The following FREM2 variants were observed in gnomAD, a reference collection of about 807,000 sequenced individuals.
FREM2 encodes the protein FRAS1-related extracellular matrix protein 2.
FREM2 carries 119 observed loss-of-function variants against 219.9 expected under a neutral mutation model. That is an observed-to-expected ratio of 0.54 (90% CI 0.47 to 0.63). The LOEUF (loss-of-function observed/expected upper bound fraction) is 0.63, where lower values mean the gene tolerates loss of function less well. FREM2 is among the 30% of genes least tolerant of loss of function. The pLI is 0.00. For missense variants in FREM2, 4,030 were observed against 3,993.6 expected, an observed-to-expected ratio of 1.01 and a Z score of -0.25; for synonymous variants, 1,562 against 1,522.8, an observed-to-expected ratio of 1.03 and a Z score of -0.60.
At chr13:38,858,167 G>T in intron 13 of FREM2, 134 bp downstream of exon 13, 1 of 797,060 alleles carries the variant, frequency 1.3e-6, no homozygotes, top group Non-Finnish European at 2.1e-6. Context: ...CTTGAGCTTT[G>T]CATATATAAC....
In FREM2 at chr13:38,880,315, C is replaced by T. The variant is rs114400765; in HGVS notation, c.9038C>T (p.Thr3013Met). 2.3e-3 allele frequency: 3,639 copies of T among 1,613,810 alleles called. 11 individuals are homozygous for T. The highest frequency in any genetic ancestry group is 5.1e-3 in the South Asian group (463 of 91,066). ...CTAGGCCGAGAATGGTATATACATA[C>T]GATCTATACAGTGAGATCGAAAGAC... The part of the protein sequence containing the change: ...VALGREWYIH[T>M]IYTVRSKDNA... Residue 3013 changes from threonine (T) to methionine (M), a missense_variant, in exon 24 of 24, where the codon ACG becomes ATG. Coordinates refer to ENST00000280481, the MANE Select transcript of FREM2 (RefSeq NM_207361.6).
intron 4 of FREM2, among the ~76,000 whole-genome samples, chr13:38,771,291 C>T (rs921055715): frequency 3.3e-5 from 5 of 152,148 alleles, no homozygotes; most frequent in African/African-American, 1.2e-4. Context: ...TGGTCCTGAA[C>T]TTTGCACATA....
chr13:38,773,069 A>G (rs1330570788), intron 4 of FREM2, among the ~76,000 whole-genome samples: 1 of 152,192 alleles, frequency 6.6e-6, no homozygotes, highest in African/African-American at 2.4e-5. Context: ...ATGGTCTTAC[A>G]ATGCCATGTA....
intron 2 of FREM2, among the ~76,000 whole-genome samples, chr13:38,738,051 G>A (rs1872070200): frequency 6.6e-6 from 1 of 152,112 alleles, no homozygotes; most frequent in Admixed American, 6.5e-5. Context: ...AGATGCTGAG[G>A]ACTTTGTTGC....
intron 6 of FREM2, among the ~76,000 whole-genome samples, chr13:38,798,605 C>G (rs1167863506): frequency 3.3e-5 from 5 of 152,002 alleles, no homozygotes; most frequent in African/African-American, 1.2e-4. Context: ...CTGAGCTTTT[C>G]TTTGTTGGGA....
intron 2 of FREM2, among the ~76,000 whole-genome samples, chr13:38,757,304 T>C (rs562795158): frequency 6.6e-6 from 1 of 152,302 alleles, no homozygotes; most frequent in East Asian, 1.9e-4. Context: ...AAGGTGAACA[T>C]TGATATATTT....
chr13:38,781,993 A>C (rs1593404346), intron 4 of FREM2, among the ~76,000 whole-genome samples: 1 of 152,176 alleles, frequency 6.6e-6, no homozygotes, highest in Admixed American at 6.5e-5. Flanking sequence ...TTGCCCTCCA[A>C]GTTCCTTCCT....
chr13:38,859,218 A>G (rs1877665797), intron 13 of FREM2, 69 bp from the exon 14 acceptor site: 4 of 1,494,832 alleles, frequency 2.7e-6, no homozygotes, highest in Non-Finnish European at 2.8e-6. Flanking sequence ...TCGATGGCAG[A>G]GAACGGGAGA....
intron 6 of FREM2, among the ~76,000 whole-genome samples, chr13:38,786,349 TC>T (rs1340409160): frequency 2.0e-5 from 3 of 152,224 alleles, no homozygotes; most frequent in Non-Finnish European, 4.4e-5. Flanking sequence ...AATTATTTTA[TC>T]AAGAGGTATT....
chr13:38,723,135 T>C (rs1015246971), intron 2 of FREM2, among the ~76,000 whole-genome samples: 13 of 152,016 alleles, frequency 8.6e-5, no homozygotes, highest in Non-Finnish European at 1.9e-4. Context: ...CTTGGGAGGC[T>C]GAGGCTGGAG....
intron 6 of FREM2, among the ~76,000 whole-genome samples, chr13:38,807,209 ATATATATATATATATATATG>A (rs1339380936): frequency 9.0e-5 from 10 of 111,710 alleles, no homozygotes; most frequent in East Asian, 3.7e-4. Flanking sequence ...ATATATATAT[ATATATATATATATATATATG>A]TATGGTTTTG....
At chr13:38,741,245 G>T (rs909403385) in intron 2 of FREM2, among the ~76,000 whole-genome samples, 1 of 152,154 alleles carries the variant, frequency 6.6e-6, no homozygotes. Context: ...GTTCATGCAT[G>T]CCTGGTTCAG....
chr13:38,702,833 G>A (rs9566360), intron 2 of FREM2, among the ~76,000 whole-genome samples: 3,079 of 152,138 alleles, frequency 0.02, 105 homozygotes, highest in East Asian at 0.16. Flanking sequence ...AAACTGGGGC[G>A]GCAGACATAA....
At chr13:38,837,953 A>G (rs1228831101) in intron 6 of FREM2, among the ~76,000 whole-genome samples, 2 of 152,068 alleles carry the variant, frequency 1.3e-5, no homozygotes, top group Non-Finnish European at 2.9e-5. Flanking sequence ...AATTTAGCCC[A>G]TTTACATTTA....
At chr13:38,844,024 A>G (rs1306766715) in intron 6 of FREM2, among the ~76,000 whole-genome samples, 1 of 152,120 alleles carries the variant, frequency 6.6e-6, no homozygotes, top group Non-Finnish European at 1.5e-5. Context: ...AAAGAGGGAG[A>G]AAAATCATAT....
chr13:38,825,907 A>G (rs1476002437), intron 6 of FREM2, among the ~76,000 whole-genome samples: 1 of 152,138 alleles, frequency 6.6e-6, no homozygotes, highest in Non-Finnish European at 1.5e-5. Flanking sequence ...TTTATTCTCT[A>G]TAAATGAAAA....
chr13:38,717,932 T>G (rs1027116756), intron 2 of FREM2, among the ~76,000 whole-genome samples: 1 of 152,204 alleles, frequency 6.6e-6, no homozygotes, highest in Non-Finnish European at 1.5e-5. Flanking sequence ...ACCAGTGAAG[T>G]TTATTTCAGG....
At position 38,846,671 on chromosome 13, in the gene FREM2, T is replaced by G; in HGVS notation, c.6118T>G (p.Ser2040Ala). Residue 2040 changes from serine to alanine, a missense_variant, in exon 7 of 24, where the codon TCT becomes GCT. Transcript: ENST00000280481. Reference sequence around the variant, plus strand: ...GAGAACGGGCACTGACCTGTCCAAGTCTTCTAGTGTCACAGTGAGGTCTCG... The same window carrying G: ...GAGAACGGGCACTGACCTGTCCAAGGCTTCTAGTGTCACAGTGAGGTCTCG... ...VWRTGTDLSK[S>A]SSVTVRSRKT... The G allele has an allele frequency of 6.2e-7, 1 of 1,613,886 alleles. No individual in the cohort carries two copies. The highest frequency in any genetic ancestry group is 8.5e-7 in the Non-Finnish European group (1 of 1,179,848).
intron 4 of FREM2, among the ~76,000 whole-genome samples, chr13:38,782,638 A>C (rs1874162182): frequency 6.6e-6 from 1 of 152,236 alleles, no homozygotes; most frequent in Admixed American, 6.5e-5. Flanking sequence ...CCAGCCATTG[A>C]CAAATAGGTT....
Sources: gnomAD v4.1 joint callset for allele counts (sites outside exome capture counted in the v4.1 genomes callset) on GRCh38, gnomAD v4.1.1 for gene constraint, MANE v1.5 for transcripts, NCBI Gene and HGNC (gene_info 2026-07-23, HGNC 2026-07-21) for gene names.